The following PIK3R4 variants were observed in gnomAD, a reference collection of about 807,000 sequenced individuals.
PIK3R4 encodes phosphoinositide 3-kinase regulatory subunit 4.
In PIK3R4, 46 loss-of-function variants were observed where a neutral mutation model predicts 136.5. That is an observed-to-expected ratio of 0.34 (90% CI 0.27 to 0.43). The LOEUF is 0.43. Among genes scored for constraint, PIK3R4 ranks in the 20% least tolerant of loss-of-function variants. The pLI is 1.00. For synonymous variants in PIK3R4, 557 were observed against 566.7 expected, an observed-to-expected ratio of 0.98 and a Z score of 0.24; for missense variants, 1,331 against 1,649.5, an observed-to-expected ratio of 0.81 and a Z score of 3.35.
intron 6 of PIK3R4, chr3:130,725,788 G>C (rs1203553920): frequency 6.6e-6 from 1 of 151,844 alleles, no homozygotes; most frequent in Non-Finnish European, 1.5e-5. Flanking sequence ...CCAAAATAAT[G>C]AATTTTAAAA....
At chr3:130,741,257 T>G (rs1016621996) in intron 2 of PIK3R4, among the ~76,000 whole-genome samples, 3 of 152,112 alleles carry the variant, frequency 2.0e-5, no homozygotes, top group Non-Finnish European at 2.9e-5. Flanking sequence ...CCATGTATGC[T>G]CATTCACAGA....
chr3:130,686,375 A>G lies in PIK3R4; in HGVS notation c.3311T>C (p.Phe1104Ser), dbSNP rs746312831. ...EDGCVVDMHH[F>S]NSGAQSVLAY... is the part of the protein sequence containing the mutation. ...AAGAACAGACTGTGCTCCAGAGTTG[A>G]AGTGATGCATATCCACAACACAACC... is the stretch of plus-strand genomic sequence containing the variant. Residue 1104 changes from phenylalanine (F) to serine (S), a missense_variant, in exon 15 of 20, where the codon TTC becomes TCC. Phe to Ser is a radical substitution (Grantham distance 155). Coordinates refer to ENST00000356763, the MANE Select transcript of PIK3R4 (RefSeq NM_014602.3). 1 of 1,613,308 alleles carries G rather than the reference A, an allele frequency of 6.2e-7. No individual in the cohort carries two copies. The highest frequency in any genetic ancestry group is 8.5e-7 in the Non-Finnish European group (1 of 1,179,340).
chr3:130,681,470 C>G, intron 17 of PIK3R4, 21 bp downstream of exon 17: 2 of 1,373,692 alleles, frequency 1.5e-6, no homozygotes, highest in Non-Finnish European at 2.1e-6. Context: ...TCATCCTTTA[C>G]AGTAAAAACT....
At chr3:130,741,364 C>G (rs1559832067) in intron 2 of PIK3R4, among the ~76,000 whole-genome samples, 1 of 152,188 alleles carries the variant, frequency 6.6e-6, no homozygotes, top group African/African-American at 2.4e-5. Flanking sequence ...TCTTGGACTT[C>G]CAGCCCCCAG....
chr3:130,686,986 A>G (rs2066493975), intron 14 of PIK3R4, among the ~76,000 whole-genome samples: 1 of 152,090 alleles, frequency 6.6e-6, no homozygotes, highest in South Asian at 2.1e-4. Flanking sequence ...TCAGTGCATC[A>G]TGTGAGGGAG....
At chr3:130,710,788 A>C (rs2066628869) in intron 9 of PIK3R4, among the ~76,000 whole-genome samples, 2 of 152,156 alleles carry the variant, frequency 1.3e-5, no homozygotes, top group South Asian at 4.1e-4. Flanking sequence ...TAATATGCCA[A>C]TTGTAATAGC....
chr3:130,743,682 C>T (rs1422236125), intron 2 of PIK3R4, among the ~76,000 whole-genome samples: 1 of 152,164 alleles, frequency 6.6e-6, no homozygotes, highest in Non-Finnish European at 1.5e-5. Flanking sequence ...ATCTCTTAAG[C>T]ATTACCACTT....
intron 12 of PIK3R4, 137 bp from the exon 13 acceptor site, chr3:130,704,025 C>T (rs2066593905): frequency 3.3e-6 from 2 of 605,510 alleles, no homozygotes; most frequent in Admixed American, 6.5e-5. Context: ...CAATAGTTGC[C>T]AATAAAGAGT....
chr3:130,742,522 T>C (rs2066829787), intron 2 of PIK3R4, among the ~76,000 whole-genome samples: 1 of 152,234 alleles, frequency 6.6e-6, no homozygotes. Flanking sequence ...ATTACATTTC[T>C]AACCTTGTTA....
chr3:130,697,619 T>C (rs1470682738), intron 13 of PIK3R4, among the ~76,000 whole-genome samples: 4 of 152,180 alleles, frequency 2.6e-5, no homozygotes, highest in Non-Finnish European at 2.9e-5. Flanking sequence ...ATAAAAACTT[T>C]GCTCTAATAT....
At chr3:130,687,527 T>C in intron 14 of PIK3R4, among the ~76,000 whole-genome samples, 1 of 152,152 alleles carries the variant, frequency 6.6e-6, no homozygotes, top group East Asian at 1.9e-4. Flanking sequence ...TAACATCCAT[T>C]TGAGGGAGCA....
Position 130,706,930 on chromosome 3 carries a change from G to T in PIK3R4, c.2721+18C>A. 1 of 1,588,560 alleles carries T rather than the reference G, an allele frequency of 6.3e-7. No individual in the cohort carries two copies. Among genetic ancestry groups the T allele is most frequent in the South Asian group, 1.2e-5 (1 of 86,556 alleles). On this transcript the variant is annotated intron_variant, in intron 11 of 19. Coordinates refer to ENST00000356763, the MANE Select transcript of PIK3R4 (RefSeq NM_014602.3). ...GTTCAAAGACATTAGGAGGACTACTGACTGGGTGACACAGTACCTGTGAAG... is the reference window on the plus strand; with the variant it reads ...GTTCAAAGACATTAGGAGGACTACTTACTGGGTGACACAGTACCTGTGAAG...
At chr3:130,716,661 C>A in intron 8 of PIK3R4, 62 bp from the exon 9 acceptor site, 3 of 953,010 alleles carry the variant, frequency 3.1e-6, no homozygotes, top group Admixed American at 2.8e-5. Flanking sequence ...TTTTCAAATT[C>A]AATAAATACA....
chr3:130,736,090 C>G (rs2107620627), intron 2 of PIK3R4, 88 bp from the exon 3 acceptor site: 1 of 962,612 alleles, frequency 1.0e-6, no homozygotes, highest in East Asian at 2.6e-5. Context: ...TCATAAAACC[C>G]AAAATGCAAA....
chr3:130,740,759 A>G (rs1053966339), intron 2 of PIK3R4, among the ~76,000 whole-genome samples: 4 of 152,114 alleles, frequency 2.6e-5, no homozygotes, highest in Non-Finnish European at 4.4e-5. Context: ...AAAGTAAAAA[A>G]TACACACTGA....
In PIK3R4 at chr3:130,746,312, AT is replaced by A. The variant is rs1275973001; in HGVS notation, c.-47+5del. 6.6e-6 allele frequency: 1 copy of A among 152,186 alleles called. No individual in the cohort carries two copies. Among genetic ancestry groups the A allele is most frequent in the African/African-American group, 2.4e-5 (1 of 41,428 alleles). The allele number at this position is 152,186 out of a possible 1,614,324, so 9.4% of individuals were successfully genotyped here. On this transcript the variant is annotated splice_donor_5th_base_variant and intron_variant, in intron 1 of 19. Transcript: ENST00000356763. The stretch of plus-strand genomic sequence containing the variant: ...CACACGACCTTGAGCACACATAAAC[AT>A]TTACCCTAGGCCTCGGGAAAGTGTC...
intron 7 of PIK3R4, among the ~76,000 whole-genome samples, chr3:130,719,020 T>C (rs1475445229): frequency 6.6e-6 from 1 of 152,204 alleles, no homozygotes; most frequent in African/African-American, 2.4e-5. Context: ...AAGGGAACAA[T>C]CTAGCCTATC....
At chr3:130,734,434 C>T (rs1156370126) in intron 3 of PIK3R4, among the ~76,000 whole-genome samples, 1 of 152,144 alleles carries the variant, frequency 6.6e-6, no homozygotes, top group East Asian at 1.9e-4. Context: ...TAGGAGATAC[C>T]ACTAAGAATC....
chr3:130,699,662 T>C (rs75693862), intron 13 of PIK3R4, among the ~76,000 whole-genome samples: 5,985 of 152,252 alleles, frequency 0.039, 397 homozygotes, highest in African/African-American at 0.14. Context: ...AGTATTCTCA[T>C]TGCTTTATGG....
Sources: gnomAD v4.1 joint callset for allele counts (sites outside exome capture counted in the v4.1 genomes callset) on GRCh38, gnomAD v4.1.1 for gene constraint, MANE v1.5 for transcripts, NCBI Gene and HGNC (gene_info 2026-07-23, HGNC 2026-07-21) for gene names.